The following AKAP13 variants were observed in gnomAD, a reference collection of about 807,000 sequenced individuals.
The protein encoded by AKAP13 is A-kinase anchoring protein 13.
A neutral mutation model predicts 264.5 loss-of-function variants in AKAP13; 80 were observed. The ratio of observed to expected loss-of-function variants is 0.30; its 90% confidence interval spans 0.25 to 0.36. AKAP13 has a LOEUF of 0.36. Ranked by LOEUF, AKAP13 falls within the 10% of genes least tolerant of loss-of-function variation. The pLI is 1.00. For missense variants in AKAP13, 3,712 were observed against 3,435.2 expected (o/e 1.08, Z -2.01); for synonymous variants, 1,380 against 1,250.2 (o/e 1.10, Z -2.19).
intron 5 of AKAP13, among the ~76,000 whole-genome samples, chr15:85,552,536 A>G (rs2077992213): frequency 6.6e-6 from 1 of 152,212 alleles, no homozygotes; most frequent in South Asian, 2.1e-4. Context: ...TAATGAAAAC[A>G]AAATGTATTT....
chr15:85,677,116 G>C, intron 14 of AKAP13: 1 of 985,428 alleles, frequency 1.0e-6, no homozygotes. Flanking sequence ...AGCAACTTTG[G>C]TGTCCAGTGA....
chr15:85,662,253 C>G (rs1208847413), intron 12 of AKAP13: 1 of 762,614 alleles, frequency 1.3e-6, no homozygotes, highest in Non-Finnish European at 2.2e-6. Context: ...GTCAGTGTTA[C>G]ATTCCTAAAT....
chr15:85,482,271 C>A (rs1478103859), intron 1 of AKAP13, among the ~76,000 whole-genome samples: 5 of 152,182 alleles, frequency 3.3e-5, no homozygotes, highest in Non-Finnish European at 2.9e-5. Flanking sequence ...CTTCCCTCAG[C>A]ACCATGTTTT....
chr15:85,717,471 T>G, intron 21 of AKAP13, 69 bp downstream of exon 21: 2 of 1,053,528 alleles, frequency 1.9e-6, no homozygotes, highest in Non-Finnish European at 2.8e-6. Context: ...ACCTAGAACA[T>G]AAGTCTTAAT....
chr15:85,405,280 G>C (rs1371263243), intron 1 of AKAP13, among the ~76,000 whole-genome samples: 1 of 152,170 alleles, frequency 6.6e-6, no homozygotes, highest in Non-Finnish European at 1.5e-5. Flanking sequence ...TTTTACTAAA[G>C]AGCTTTGAAC....
At position 85,562,871 on chromosome 15, in the gene AKAP13, G is replaced by GT. The variant is rs71141408; in HGVS notation, c.663-12246dup. 1.5e-3 allele frequency among the ~76,000 whole-genome samples: 196 copies of GT among 133,908 alleles called. 1 individual carries two copies. The highest frequency in any genetic ancestry group is 4.8e-3 in the African/African-American group (173 of 36,156). The allele number at this position is 133,908 out of a possible 152,430, so 87.8% of individuals were successfully genotyped here. ...CCACCACGCCCAGCAGGTTTTTTTT[G>GT]TTTTTTTTTTTTTTGTATTTTTAGT... On this transcript the variant is annotated intron_variant, in intron 5 of 36. Coordinates refer to ENST00000394518, the MANE Select transcript of AKAP13 (RefSeq NM_007200.5).
rs1218963569 is a variant in AKAP13 at position 85,579,438 on chromosome 15, C to G, written c.1370C>G (p.Ala457Gly). 6.2e-7 allele frequency: 1 copy of G among 1,614,150 alleles called. No individual in the cohort carries two copies. The highest frequency in any genetic ancestry group is 8.5e-7 in the Non-Finnish European group (1 of 1,180,010). Reference sequence around the variant, plus strand: ...GACTTGGTCATGGAGCCAGGCACAGCCCAGTATTCCTCTGGAGGTGAACTG... The same window carrying G: ...GACTTGGTCATGGAGCCAGGCACAGGCCAGTATTCCTCTGGAGGTGAACTG... ...QRDLVMEPGT[A>G]QYSSGGELGG... The change falls in exon 7 of 37, where the codon GCC (alanine) becomes GGC (glycine). Residue 457 changes from alanine to glycine, a missense_variant. By Grantham distance (60) the Ala-to-Gly change is moderately conservative (BLOSUM62 0). Around this residue, in one of 3 missense-constraint regions of AKAP13, gnomAD observed 2,759 missense variants for 2,411.7 expected, o/e 1.14. Transcript: ENST00000394518.
intron 5 of AKAP13, among the ~76,000 whole-genome samples, chr15:85,562,575 AT>A (rs67331407): frequency 0.52 from 52,108 of 100,962 alleles, 15,187 homozygotes; most frequent in Middle Eastern, 0.59. Context: ...AAAAAAAAAA[AT>A]ATATATATAT....
Position 85,468,847 on chromosome 15 carries a change from T to G in AKAP13, c.-11-16863T>G, listed in dbSNP as rs16940090. ...GCAATTAGGAGTTTACATACAGGTC[T>G]CTCCTAACAGATTGAGAGCTCCTTG... On this transcript the variant is annotated intron_variant, in intron 1 of 36. Coordinates refer to ENST00000394518, the MANE Select transcript of AKAP13 (RefSeq NM_007200.5). 1.4e-4 allele frequency among the ~76,000 whole-genome samples: 21 copies of G among 151,812 alleles called. No individual in the cohort carries two copies. The East Asian group carries it at 3.5e-3, about 25-fold the overall frequency.
intron 4 of AKAP13, 148 bp downstream of exon 4, chr15:85,534,028 A>G (rs1217380062): frequency 1.1e-5 from 9 of 826,178 alleles, no homozygotes; most frequent in Non-Finnish European, 9.1e-6. Flanking sequence ...AGTGGCCTCA[A>G]TGGCATCTCT....
At chr15:85,567,975 TGTGTGTA>T (rs2078668941) in intron 5 of AKAP13, among the ~76,000 whole-genome samples, 1 of 150,098 alleles carries the variant, frequency 6.7e-6, no homozygotes, top group Admixed American at 6.6e-5. Flanking sequence ...TGTGTGTGTG[TGTGTGTA>T]TTTTTTAAAG....
rs1344697259 is a variant in AKAP13 at position 85,741,114 on chromosome 15, T to G, written c.7677T>G (p.Thr2559=). The G allele has an allele frequency of 3.7e-6, 6 of 1,613,470 alleles. No homozygotes were observed. The highest frequency in any genetic ancestry group is 5.1e-6 in the Non-Finnish European group (6 of 1,179,850). Residue 2559 remains threonine (T), a synonymous_variant, in exon 35 of 37, where the codon ACT becomes ACG. Coordinates refer to ENST00000394518, the MANE Select transcript of AKAP13 (RefSeq NM_007200.5). ...QKLVLSERAL[T]RSLSRPSSLI... ...TGGTGCTGAGCGAGAGGGCGCTCACTCGCAGCTTGTCCCGCCCGAGCTCCC... is the reference window on the plus strand; with the variant it reads ...TGGTGCTGAGCGAGAGGGCGCTCACGCGCAGCTTGTCCCGCCCGAGCTCCC...
At chr15:85,602,267 C>G (rs1393945872) in intron 8 of AKAP13, among the ~76,000 whole-genome samples, 1 of 151,862 alleles carries the variant, frequency 6.6e-6, no homozygotes, top group Admixed American at 6.6e-5. Context: ...CCTCTACCAC[C>G]CAGGTTCAAG....
chr15:85,426,757 T>C (rs536233092), intron 1 of AKAP13, among the ~76,000 whole-genome samples: 30 of 152,286 alleles, frequency 2.0e-4, no homozygotes, highest in African/African-American at 7.2e-4. Flanking sequence ...TATCTCTCTG[T>C]CTGCAATGTT....
At chr15:85,713,407 C>A (rs1164923425) in intron 19 of AKAP13, among the ~76,000 whole-genome samples, 2 of 152,022 alleles carry the variant, frequency 1.3e-5, no homozygotes, top group Non-Finnish European at 2.9e-5. Context: ...TTCTTCTGAC[C>A]CATCCACATC....
chr15:85,569,584 C>T (rs2078736083), intron 5 of AKAP13, among the ~76,000 whole-genome samples: 1 of 151,278 alleles, frequency 6.6e-6, no homozygotes, highest in Non-Finnish European at 1.5e-5. Context: ...TCCCGAGTTG[C>T]TGGGATTACA....
rs1003363751 is a variant in AKAP13 at position 85,387,074 on chromosome 15, G to T, written c.-12+6276G>T. 7.9e-5 allele frequency among the ~76,000 whole-genome samples: 12 copies of T among 151,602 alleles called. 1 individual carries two copies. Among genetic ancestry groups the T allele is most frequent in the Non-Finnish European group, 5.9e-5 (4 of 67,940 alleles). On this transcript the variant is annotated intron_variant, in intron 1 of 36. Coordinates refer to ENST00000394518, the MANE Select transcript of AKAP13 (RefSeq NM_007200.5). ...GTCTCAGCCGGGTGTGGTGGCTCAC[G>T]CCTGTAATCCTAGCACTTTGGAGGC...
chr15:85,659,086 G>A (rs996740326), intron 12 of AKAP13, among the ~76,000 whole-genome samples: 2 of 152,132 alleles, frequency 1.3e-5, no homozygotes, highest in African/African-American at 2.4e-5. Flanking sequence ...ATTCCATTGT[G>A]GATATAGTCA....
chr15:85,677,606 TAGAG>T, intron 14 of AKAP13, among the ~76,000 whole-genome samples: 2 of 151,928 alleles, frequency 1.3e-5, no homozygotes, highest in Middle Eastern at 6.8e-3. Context: ...CCCCATGAAT[TAGAG>T]GGAGGGAGTT....
Sources: gnomAD v4.1 joint callset for allele counts (sites outside exome capture counted in the v4.1 genomes callset) on GRCh38, gnomAD v4.1.1 for gene constraint, gnomAD v4.1.1 regional missense constraint, MANE v1.5 for transcripts, NCBI Gene and HGNC (gene_info 2026-07-23, HGNC 2026-07-21) for gene names.